Variants in KHNYN observed in about 807,000 individuals in gnomAD.
The protein encoded by KHNYN is KH and NYN domain containing, also known as protein KHNYN.
A neutral mutation model predicts 62.7 loss-of-function variants in KHNYN; 42 were observed. That is an observed-to-expected ratio of 0.67 (90% CI 0.52 to 0.87). The LOEUF is 0.87. Among genes scored for constraint, KHNYN ranks in the 40% least tolerant of loss-of-function variants. KHNYN has a pLI of 0.00. For missense variants in KHNYN, 829 were observed against 874.1 expected (o/e 0.95, Z 0.65); for synonymous variants, 347 against 345.6 (o/e 1.00, Z -0.04).
In KHNYN at chr14:24,432,401, A is replaced by G. The variant is rs763872433; in HGVS notation, c.1140A>G (p.Gly380=). 5.6e-6 allele frequency: 9 copies of G among 1,613,512 alleles called. No homozygotes were observed. The highest frequency in any genetic ancestry group is 7.6e-6 in the Non-Finnish European group (9 of 1,179,872). ...ACCGGGGTGACTGCGGAGACCGGGG[A>G]GACGTGGGGGACAGGGGAGACAAGC... is the stretch of plus-strand genomic sequence containing the variant. The part of the protein sequence containing the change: ...CGDRGDCGDR[G]DVGDRGDKQQ... Residue 380 remains glycine, a synonymous_variant, in exon 3 of 8, where the codon GGA becomes GGG. Coordinates refer to ENST00000553935, the MANE Select transcript of KHNYN (RefSeq NM_015299.3). The surrounding 1 kb of genome is among the most constrained non-coding windows in gnomAD (Gnocchi z 5.6).
At chr14:24,429,057 C>A, upstream of KHNYN, 2 of 1,489,010 alleles carry the variant, frequency 1.3e-6, no homozygotes, top group South Asian at 1.3e-5. Context: ...CCCAACATGG[C>A]TGAGGGGCTC....
chr14:24,441,658 G>A lies in KHNYN; in HGVS notation c.*4373G>A, dbSNP rs1288122224. 2 of 1,570,424 alleles carry A rather than the reference G, an allele frequency of 1.3e-6. No individual in the cohort carries two copies. The highest frequency in any genetic ancestry group is 1.7e-6 in the Non-Finnish European group (2 of 1,163,618). On this transcript the variant is annotated 3_prime_UTR_variant, in exon 8 of 8. Coordinates refer to ENST00000553935, the MANE Select transcript of KHNYN (RefSeq NM_015299.3). ...CCCCTGGCGAATATAAGGGGCTGGT[G>A]ATTTGGGGGGCGTACCTACACCTGT...
Position 24,440,486 on chromosome 14 carries a change from A to T in KHNYN, c.*3201A>T. 1 of 1,603,998 alleles carries T rather than the reference A, an allele frequency of 6.2e-7. No individual in the cohort carries two copies. On this transcript the variant is annotated 3_prime_UTR_variant, in exon 8 of 8. Coordinates refer to ENST00000553935, the MANE Select transcript of KHNYN (RefSeq NM_015299.3). ...CATGGCACCACCCCCACGGCCCAGC[A>T]CAACCCCTAGAGCAGGAAAGAGGGA... is the stretch of plus-strand genomic sequence containing the variant.
chr14:24,423,917 C>G, the KHNYN span, among the ~76,000 whole-genome samples: 12 of 152,204 alleles, frequency 7.9e-5, no homozygotes, highest in African/African-American at 2.9e-4. Context: ...AATCTATTCA[C>G]AAACCTACTG....
upstream of KHNYN, among the ~76,000 whole-genome samples, chr14:24,426,026 G>A (rs1042874652): frequency 2.0e-5 from 3 of 152,104 alleles, no homozygotes; most frequent in Non-Finnish European, 2.9e-5. Context: ...TACTTATCAC[G>A]ACTCACTAAA....
intron 7 of KHNYN, 113 bp from the exon 8 acceptor site, chr14:24,436,923 G>A: frequency 2.1e-6 from 3 of 1,403,238 alleles, no homozygotes; most frequent in Non-Finnish European, 2.9e-6. Context: ...GGAACTTCAG[G>A]ATTTCTCCCC....
At chr14:24,427,731 G>A, upstream of KHNYN, 5 of 1,522,774 alleles carry the variant, frequency 3.3e-6, no homozygotes, top group Non-Finnish European at 4.5e-6. This position sits in a 1 kb window ranked among gnomAD's most constrained non-coding sequence, Gnocchi z 4.4. Context: ...TCTGGGGCAA[G>A]AGAGGGCAGA....
chr14:24,430,952 A>T, intron 2 of KHNYN, 21 bp downstream of exon 2: 2 of 1,598,282 alleles, frequency 1.3e-6, no homozygotes, highest in Non-Finnish European at 1.7e-6. Context: ...TCTCTCCCCC[A>T]TCCCTCCAGG....
At position 24,441,403 on chromosome 14, in the gene KHNYN, G is replaced by T; in HGVS notation, c.*4118G>T. The T allele has an allele frequency of 2.0e-6, 1 of 489,084 alleles. No homozygotes were observed. The highest frequency in any genetic ancestry group is 3.6e-6 in the Non-Finnish European group (1 of 279,258). 30.3% of individuals were successfully genotyped at this position (489,084 alleles called of 1,614,324 possible). ...GGTCCCAAAGGTGACCAGGAACTCT[G>T]TTCCTAAAGAACTATGGTGTGAGAA... On this transcript the variant is annotated 3_prime_UTR_variant, in exon 8 of 8. Transcript: ENST00000553935.
chr14:24,437,014 T>C lies in KHNYN; in HGVS notation c.1788-22T>C. ...TCCCCCCCAGGATGCTCATCAGCTC[T>C]TTTTGGTCTGTTTCTTCCCAGGACA... On this transcript the variant is annotated intron_variant, in intron 7 of 7. Transcript: ENST00000553935. The surrounding 1 kb of genome is among the most constrained non-coding windows in gnomAD (Gnocchi z 5.5). 8 of 1,602,592 alleles carry C rather than the reference T, an allele frequency of 5.0e-6. No individual in the cohort carries two copies. The highest frequency in any genetic ancestry group is 5.1e-6 in the Non-Finnish European group (6 of 1,172,034).
At chr14:24,428,259 G>A (rs535790617), upstream of KHNYN, 9 of 1,611,684 alleles carry the variant, frequency 5.6e-6, no homozygotes, top group African/African-American at 2.7e-5. Context: ...CTCCTGAGCC[G>A]GGGATGGGGG....
chr14:24,437,246 C>G lies in KHNYN; in HGVS notation c.1998C>G (p.Ile666Met), dbSNP rs1377972876. The change falls in exon 8 of 8, where the codon ATC becomes ATG. Residue 666 changes from isoleucine (I) to methionine (M), a missense_variant. Ile to Met is a conservative substitution (Grantham distance 10). This residue lies in a region of KHNYN where 270 missense variants were observed against 347.1 expected (regional missense o/e 0.78). Coordinates refer to ENST00000553935, the MANE Select transcript of KHNYN (RefSeq NM_015299.3). The surrounding 1 kb of genome is among the most constrained non-coding windows in gnomAD (Gnocchi z 5.5). ...AGCGGGAGCCATACTGCCGGGACAT[C>G]AACCAACTGTCTGAGGCCCTGCTCA... Reference protein sequence around the residue: ...ILQREPYCRDINQLSEALLSL... With the variant: ...ILQREPYCRDMNQLSEALLSL... 1.1e-5 allele frequency: 18 copies of G among 1,614,050 alleles called. No individual in the cohort carries two copies. Among genetic ancestry groups the G allele is most frequent in the Admixed American group, 8.3e-5 (5 of 60,012 alleles).
rs1419344375 is a variant in KHNYN, at chr14:24,440,144, G to A, written c.*2859G>A. ...TGGGAAGGAATACTGGTAGCCAGTG[G>A]CCAGTGTTCGCTGTGGGATCACCTT... On this transcript the variant is annotated 3_prime_UTR_variant, in exon 8 of 8. Transcript: ENST00000553935. The A allele has an allele frequency of 1.2e-6, 2 of 1,613,450 alleles. No homozygotes were observed. Among genetic ancestry groups the A allele is most frequent in the African/African-American group, 1.3e-5 (1 of 75,052 alleles).
chr14:24,436,551 CAG>C, intron 7 of KHNYN, 62 bp downstream of exon 7: 2 of 1,254,524 alleles, frequency 1.6e-6, no homozygotes, highest in East Asian at 4.8e-5. Flanking sequence ...TCAGCAGGCC[CAG>C]AGACTTGGGT....
chr14:24,434,405 T>A (rs1028416021), intron 5 of KHNYN: 1 of 982,924 alleles, frequency 1.0e-6, no homozygotes, highest in Non-Finnish European at 1.2e-6. Context: ...ACCATATAAT[T>A]TTTTTTTGGT....
Position 24,437,880 on chromosome 14 carries a change from T to A in KHNYN, c.*595T>A, listed in dbSNP as rs2043232417. Reference sequence around the variant, plus strand: ...CTTGGGCTTTACTTCTGCCTACAAATCAGGGGTAAAAATACCTGTTGGGAG... The same window carrying A: ...CTTGGGCTTTACTTCTGCCTACAAAACAGGGGTAAAAATACCTGTTGGGAG... On this transcript the variant is annotated 3_prime_UTR_variant, in exon 8 of 8. Coordinates refer to ENST00000553935, the MANE Select transcript of KHNYN (RefSeq NM_015299.3). The surrounding 1 kb of genome is among the most constrained non-coding windows in gnomAD (Gnocchi z 5.5). 1 of 152,214 alleles carries A rather than the reference T, an allele frequency of 6.6e-6. No individual in the cohort carries two copies. Among genetic ancestry groups the A allele is most frequent in the African/African-American group, 2.4e-5 (1 of 41,450 alleles). The allele number at this position is 152,214 out of a possible 1,614,324, so 9.4% of individuals were successfully genotyped here.
chr14:24,435,124 A>AT (rs2043185904), intron 5 of KHNYN, among the ~76,000 whole-genome samples: 1 of 152,332 alleles, frequency 6.6e-6, no homozygotes, highest in Admixed American at 6.5e-5. Flanking sequence ...GAGCCCAGGC[A>AT]TTTTTTAAAA....
At position 24,430,858 on chromosome 14, in the gene KHNYN, C is replaced by T. The variant is rs762574484; in HGVS notation, c.128C>T (p.Pro43Leu). 2 of 1,613,894 alleles carry T rather than the reference C, an allele frequency of 1.2e-6. No homozygotes were observed. Among genetic ancestry groups the T allele is most frequent in the Admixed American group, 1.7e-5 (1 of 60,010 alleles). The change falls in exon 2 of 8, where the codon CCG becomes CTG. Residue 43 changes from proline (P) to leucine (L), a missense_variant. Around this residue, in one of 2 missense-constraint regions of KHNYN, gnomAD observed 559 missense variants for 527.0 expected, o/e 1.06. Transcript: ENST00000553935. ...TTCAGCGTGGGGGTGAGCGTCCTTC[C>T]GAAGGACTGTCCGGACAACCCCCAC... ...RIFSVGVSVL[P>L]KDCPDNPHIW...
At chr14:24,435,588 C>T (rs2043192776) in intron 5 of KHNYN, 1 of 160,404 alleles carries the variant, frequency 6.2e-6, no homozygotes, top group Non-Finnish European at 1.4e-5. Context: ...CAAGGCTTTT[C>T]AAAGGAAAGG....
Sources: gnomAD v4.1 joint callset for allele counts (sites outside exome capture counted in the v4.1 genomes callset) on GRCh38, gnomAD v4.1.1 for gene constraint, gnomAD v4.1.1 regional missense constraint, Gnocchi (gnomAD v3.1) non-coding constraint, MANE v1.5 for transcripts, NCBI Gene and HGNC (gene_info 2026-07-23, HGNC 2026-07-21) for gene names.